The following COL15A1 variants were observed in gnomAD, a reference collection of about 807,000 sequenced individuals.
COL15A1 encodes collagen type XV alpha 1 chain.
Under a neutral mutation model 165.9 loss-of-function variants are expected in COL15A1, and 111 were observed. The observed-to-expected ratio is 0.67, with a 90% confidence interval of 0.57 to 0.78. COL15A1 has a LOEUF of 0.78. Ranked by LOEUF, COL15A1 falls within the 30% of genes least tolerant of loss-of-function variation. COL15A1 has a pLI of 0.00. For synonymous variants in COL15A1, 659 were observed against 674.8 expected (o/e 0.98, Z 0.36); for missense variants, 1,745 against 1,789.7 (o/e 0.98, Z 0.45).
At chr9:99,065,546 T>G (rs55980075) in intron 39 of COL15A1, among the ~76,000 whole-genome samples, 11,185 of 151,328 alleles carry the variant, frequency 0.074, 583 homozygotes, top group Non-Finnish European at 0.11. Context: ...CCTCTTACCC[T>G]AATGGCTGGG....
chr9:99,062,336 A>G (rs1439100722), intron 38 of COL15A1, 32 bp downstream of exon 38: 6 of 1,517,702 alleles, frequency 4.0e-6, no homozygotes, highest in East Asian at 4.5e-5. Context: ...CTGCTCATGC[A>G]TTCATTTATC....
intron 5 of COL15A1, among the ~76,000 whole-genome samples, chr9:98,989,550 GC>G (rs1838380723): frequency 6.6e-6 from 1 of 152,212 alleles, no homozygotes; most frequent in Admixed American, 6.5e-5. Flanking sequence ...AAAGCCTGTG[GC>G]CTTAGGTAAC....
intron 2 of COL15A1, among the ~76,000 whole-genome samples, chr9:98,961,572 G>A (rs1024411879): frequency 2.0e-5 from 3 of 152,210 alleles, no homozygotes; most frequent in Non-Finnish European, 4.4e-5. Context: ...GCTCGAACAC[G>A]TTGAGGGAGG....
At chr9:98,946,205 C>T (rs970002602) in intron 2 of COL15A1, among the ~76,000 whole-genome samples, 1 of 152,158 alleles carries the variant, frequency 6.6e-6, no homozygotes, top group Non-Finnish European at 1.5e-5. Context: ...TACAACCACT[C>T]CAGGAGGTGA....
intron 21 of COL15A1, among the ~76,000 whole-genome samples, chr9:99,037,576 T>A (rs914928380): frequency 6.6e-6 from 1 of 152,136 alleles, no homozygotes; most frequent in African/African-American, 2.4e-5. Context: ...GTTTCTATTT[T>A]AAAAAATTAA....
rs1327779522 is a variant in COL15A1, at chr9:99,036,410, A to G, written c.2409+14A>G. 2 of 1,613,226 alleles carry G rather than the reference A, an allele frequency of 1.2e-6. No homozygotes were observed. The highest frequency in any genetic ancestry group is 1.1e-5 in the South Asian group (1 of 90,982). On this transcript the variant is annotated intron_variant, in intron 21 of 41. Transcript: ENST00000375001. ...GTCTTGTCTAATGTGAGTATCATTCAGGTCAGAGCTTGTCTACATATTTTC... is the reference window on the plus strand; with the variant it reads ...GTCTTGTCTAATGTGAGTATCATTCGGGTCAGAGCTTGTCTACATATTTTC...
chr9:98,967,217 C>T, intron 2 of COL15A1, among the ~76,000 whole-genome samples: 1 of 152,100 alleles, frequency 6.6e-6, no homozygotes, highest in East Asian at 1.9e-4. Flanking sequence ...TGAAACTGGC[C>T]CTGGGGTGGA....
chr9:99,027,398 G>A (rs58180460), intron 16 of COL15A1, among the ~76,000 whole-genome samples: 21,536 of 152,090 alleles, frequency 0.14, 1,737 homozygotes, highest in East Asian at 0.25. Context: ...CTCAATTTTC[G>A]TGGAAAGCTT....
At chr9:98,977,843 C>T (rs1223263540) in intron 2 of COL15A1, among the ~76,000 whole-genome samples, 1 of 152,228 alleles carries the variant, frequency 6.6e-6, no homozygotes, top group East Asian at 1.9e-4. Context: ...GGGCAGGGAC[C>T]TCCCCTGATC....
intron 9 of COL15A1, among the ~76,000 whole-genome samples, chr9:99,006,369 T>TA (rs1319365748): frequency 1.3e-5 from 2 of 152,244 alleles, no homozygotes; most frequent in African/African-American, 4.8e-5. Context: ...ACTGAATGAG[T>TA]ATCTGCTGAG....
At chr9:99,036,976 A>G (rs150926525) in intron 21 of COL15A1, among the ~76,000 whole-genome samples, 2 of 152,342 alleles carry the variant, frequency 1.3e-5, no homozygotes, top group Non-Finnish European at 2.9e-5. Context: ...CGGAGGGGGT[A>G]CAGGAGCCAA....
Position 99,015,585 on chromosome 9 carries a change from C to T in COL15A1, c.1503+19C>T, listed in dbSNP as rs759796106. On this transcript the variant is annotated intron_variant, in intron 10 of 41. Coordinates refer to ENST00000375001, the MANE Select transcript of COL15A1 (RefSeq NM_001855.5). ...CACTTCTGTAAGTGTCATCTTGTGT[C>T]CTCTCTGGCTCACAGGGGAGAGACA... The T allele has an allele frequency of 4.3e-6, 7 of 1,610,988 alleles. No individual in the cohort carries two copies. The highest frequency in any genetic ancestry group is 5.1e-6 in the Non-Finnish European group (6 of 1,178,030).
intron 13 of COL15A1, among the ~76,000 whole-genome samples, chr9:99,023,017 G>A (rs893696143): frequency 1.3e-5 from 2 of 152,210 alleles, no homozygotes; most frequent in African/African-American, 4.8e-5. Flanking sequence ...ACAGAGGCTA[G>A]TGGGAGCACT....
intron 5 of COL15A1, among the ~76,000 whole-genome samples, chr9:98,991,678 A>G (rs535289552): frequency 1.3e-5 from 2 of 152,192 alleles, no homozygotes; most frequent in South Asian, 2.1e-4. Context: ...ACAATCCTCT[A>G]GCTAGACATA....
rs749712321 is a variant in COL15A1 at position 98,944,203 on chromosome 9, C to G, written c.53C>G (p.Ser18Trp). Residue 18 changes from serine to tryptophan, a missense_variant, in exon 2 of 42, where the codon TCG becomes TGG. Transcript: ENST00000375001. ...GQCWCLLMLL[S>W]VSTPLPAVTQ... is the part of the protein sequence containing the mutation. ...TGCTGGTGTCTGCTGATGCTGCTCT[C>G]GGTCTCCACGCCCCTCCCTGCTGTC... 7.4e-6 allele frequency: 12 copies of G among 1,613,976 alleles called. No individual in the cohort carries two copies. Among genetic ancestry groups the G allele is most frequent in the Non-Finnish European group, 1.0e-5 (12 of 1,179,980 alleles).
rs374400184 is a variant in COL15A1 at position 99,023,063 on chromosome 9, G to A, written c.1762-294G>A. Among the ~76,000 whole-genome samples the A allele has an allele frequency of 8.5e-4, 129 of 152,284 alleles. 2 individuals carry two copies. Among genetic ancestry groups the A allele is most frequent in the African/African-American group, 2.9e-3 (119 of 41,554 alleles). ...AGAATTCTGCCTGGAAACGGGGTAGGGAGGGCTTCGTGTAGGAGGAGACTG... is the reference window on the plus strand; with the variant it reads ...AGAATTCTGCCTGGAAACGGGGTAGAGAGGGCTTCGTGTAGGAGGAGACTG... On this transcript the variant is annotated intron_variant, in intron 13 of 41. Coordinates refer to ENST00000375001, the MANE Select transcript of COL15A1 (RefSeq NM_001855.5).
intron 9 of COL15A1, among the ~76,000 whole-genome samples, chr9:99,015,070 TG>T (rs2118988432): frequency 6.6e-6 from 1 of 152,342 alleles, no homozygotes; most frequent in East Asian, 1.9e-4. Context: ...AGGGCTAGAA[TG>T]GGAGACAGAT....
chr9:99,004,779 G>C, intron 8 of COL15A1, 119 bp from the exon 9 acceptor site: 1 of 1,101,246 alleles, frequency 9.1e-7, no homozygotes, highest in Non-Finnish European at 1.4e-6. Flanking sequence ...GGGTTTCCAT[G>C]TGAAGTGAGG....
rs758496598 is a variant in COL15A1 at position 99,044,588 on chromosome 9, T to G, written c.2595T>G (p.Gly865=). 6.2e-7 allele frequency: 1 copy of G among 1,614,058 alleles called. No individual in the cohort carries two copies. The highest frequency in any genetic ancestry group is 1.7e-5 in the Admixed American group (1 of 60,000). Residue 865 remains glycine (G), a synonymous_variant, in exon 25 of 42, where the codon GGT becomes GGG. Transcript: ENST00000375001. ...KGEQGEKGEP[G]AILTEDIPLE... is the part of the protein sequence containing the mutation. ...TGCAGGGCGAGAAGGGAGAGCCGGG[T>G]GCCATCCTGACAGAGGACATTCCTC... is the stretch of plus-strand genomic sequence containing the variant.
Sources: gnomAD v4.1 joint callset for allele counts (sites outside exome capture counted in the v4.1 genomes callset) on GRCh38, gnomAD v4.1.1 for gene constraint, MANE v1.5 for transcripts, NCBI Gene and HGNC (gene_info 2026-07-23, HGNC 2026-07-21) for gene names.